The following VAPB variants were observed in gnomAD, a reference collection of about 807,000 sequenced individuals.
The protein encoded by VAPB is vesicle-associated membrane protein-associated protein B/C.
Under a neutral mutation model 25.6 loss-of-function variants are expected in VAPB, and 7 were observed. That is an observed-to-expected ratio of 0.27 (90% CI 0.16 to 0.51). The LOEUF (loss-of-function observed/expected upper bound fraction) is 0.51, where lower values mean the gene tolerates loss of function less well. Ranked by LOEUF, VAPB falls within the 20% of genes least tolerant of loss-of-function variation. VAPB has a pLI of 0.97. For synonymous variants in VAPB, 112 were observed against 109.2 expected, an observed-to-expected ratio of 1.03 and a Z score of -0.16; for missense variants, 266 against 301.3, an observed-to-expected ratio of 0.88 and a Z score of 0.87.
intron 3 of VAPB, among the ~76,000 whole-genome samples, chr20:58,436,891 A>G (rs1048882144): frequency 4.6e-5 from 7 of 151,712 alleles, no homozygotes; most frequent in Admixed American, 4.6e-4. Flanking sequence ...ACTTCAATTC[A>G]GTATTATTAT....
intron 3 of VAPB, among the ~76,000 whole-genome samples, chr20:58,437,483 C>T (rs997028974): frequency 5.3e-5 from 8 of 152,206 alleles, no homozygotes; most frequent in Non-Finnish European, 1.2e-4. Context: ...GCTCTCTCCA[C>T]TGTCATAGCA....
chr20:58,398,673 T>C (rs1270144381), intron 1 of VAPB, among the ~76,000 whole-genome samples: 2 of 152,204 alleles, frequency 1.3e-5, no homozygotes, highest in African/African-American at 2.4e-5. Flanking sequence ...ATTTGAGATA[T>C]GTGACTTGGC....
chr20:58,408,116 C>G (rs11906688), intron 1 of VAPB, among the ~76,000 whole-genome samples: 52,001 of 151,822 alleles, frequency 0.34, 9,208 homozygotes, highest in African/African-American at 0.35. Flanking sequence ...TGAGTAAGCA[C>G]CCTGCAAGTC....
At chr20:58,391,585 G>A (rs961414058) in intron 1 of VAPB, among the ~76,000 whole-genome samples, 1 of 151,896 alleles carries the variant, frequency 6.6e-6, no homozygotes, top group African/African-American at 2.4e-5. Flanking sequence ...CCAGGCTGGA[G>A]TGCAGAGGCG....
intron 1 of VAPB, chr20:58,390,468 G>A (rs1987767560): frequency 1.3e-5 from 2 of 151,046 alleles, no homozygotes; most frequent in Admixed American, 1.3e-4. Flanking sequence ...CGTGTATCCA[G>A]TGATGTGGGA....
intron 2 of VAPB, among the ~76,000 whole-genome samples, chr20:58,429,687 G>T (rs74590012): frequency 5.9e-5 from 9 of 152,202 alleles, no homozygotes; most frequent in African/African-American, 2.2e-4. Context: ...TCACCTGAGG[G>T]CCAGGTACGT....
chr20:58,392,849 A>G lies in VAPB; in HGVS notation c.58+3332A>G, dbSNP rs555592722. On this transcript the variant is annotated intron_variant, in intron 1 of 5. Coordinates refer to ENST00000475243, the MANE Select transcript of VAPB (RefSeq NM_004738.5). The stretch of plus-strand genomic sequence containing the variant: ...CAGAAGAAAAAGAATGCAAATTTAT[A>G]TGACTTTATGCAGTTTTATAGGAAG... Among the ~76,000 whole-genome samples the G allele has an allele frequency of 3.0e-4, 45 of 152,366 alleles. 1 individual carries two copies. The highest frequency in any genetic ancestry group is 9.9e-4 in the African/African-American group (41 of 41,596).
At chr20:58,417,833 A>G (rs1346087272) in intron 1 of VAPB, among the ~76,000 whole-genome samples, 1 of 152,200 alleles carries the variant, frequency 6.6e-6, no homozygotes, top group Non-Finnish European at 1.5e-5. Context: ...CATGGGTAAG[A>G]ACTGGCCTTA....
intron 2 of VAPB, among the ~76,000 whole-genome samples, chr20:58,424,425 A>G (rs1039809674): frequency 4.5e-4 from 69 of 152,030 alleles, no homozygotes; most frequent in African/African-American, 1.7e-3. Context: ...AGCATTCAGA[A>G]ATAACAGTGG....
At chr20:58,417,435 G>T (rs966201748) in intron 1 of VAPB, among the ~76,000 whole-genome samples, 1 of 152,132 alleles carries the variant, frequency 6.6e-6, no homozygotes, top group Admixed American at 6.5e-5. Context: ...TTATTGTTTG[G>T]TTTAAGAAGC....
In VAPB at chr20:58,445,260, C is replaced by G; in HGVS notation, c.*1025C>G. On this transcript the variant is annotated 3_prime_UTR_variant, in exon 6 of 6. Transcript: ENST00000475243. ...CTTCTAGATTGTTCTTATACCACCT[C>G]TCAACCATTACTCACACTTCCAGCG... 2.2e-6 allele frequency: 1 copy of G among 454,304 alleles called. No homozygotes were observed. The highest frequency in any genetic ancestry group is 4.4e-6 in the Non-Finnish European group (1 of 226,796). 28.1% of individuals were successfully genotyped at this position (454,304 alleles called of 1,614,324 possible).
chr20:58,441,961 A>G (rs1335086444), intron 5 of VAPB, among the ~76,000 whole-genome samples: 3 of 152,120 alleles, frequency 2.0e-5, no homozygotes, highest in Admixed American at 6.5e-5. Flanking sequence ...TAGCTTCTGG[A>G]TGAGGCAGTT....
In VAPB at chr20:58,450,609, A is replaced by T. The variant is rs761234498; in HGVS notation, c.*6374A>T. 21 of 453,982 alleles carry T rather than the reference A, an allele frequency of 4.6e-5. No individual in the cohort carries two copies. The highest frequency in any genetic ancestry group is 3.1e-4 in the South Asian group (20 of 64,482). The allele number at this position is 453,982 out of a possible 1,614,324, so 28.1% of individuals were successfully genotyped here. ...CTTTCGCCTTTCCTCTGCTTTCTGAATAAATGGTTTCAGTAACCCATGCTG... is the reference window on the plus strand; with the variant it reads ...CTTTCGCCTTTCCTCTGCTTTCTGATTAAATGGTTTCAGTAACCCATGCTG... On this transcript the variant is annotated 3_prime_UTR_variant, in exon 6 of 6. Coordinates refer to ENST00000475243, the MANE Select transcript of VAPB (RefSeq NM_004738.5).
chr20:58,397,829 T>C (rs962641349), intron 1 of VAPB, among the ~76,000 whole-genome samples: 2 of 152,204 alleles, frequency 1.3e-5, no homozygotes, highest in Non-Finnish European at 2.9e-5. Context: ...GAGACTTGTC[T>C]CAATTGTTCA....
Position 58,393,362 on chromosome 20 carries a change from G to A in VAPB, c.58+3845G>A, listed in dbSNP as rs117131552. 4.9e-3 allele frequency among the ~76,000 whole-genome samples: 750 copies of A among 151,796 alleles called. 3 individuals carry two copies. Among genetic ancestry groups the A allele is most frequent in the South Asian group, 0.021 (99 of 4,822 alleles). ...TGTGTTTTCTTTTATATTTCTTTTTGTCTTTTTCACTAAGTCATAGGAGTT... is the reference window on the plus strand; with the variant it reads ...TGTGTTTTCTTTTATATTTCTTTTTATCTTTTTCACTAAGTCATAGGAGTT... On this transcript the variant is annotated intron_variant, in intron 1 of 5. Coordinates refer to ENST00000475243, the MANE Select transcript of VAPB (RefSeq NM_004738.5).
At chr20:58,414,830 G>A (rs935190783) in intron 1 of VAPB, among the ~76,000 whole-genome samples, 14 of 152,348 alleles carry the variant, frequency 9.2e-5, no homozygotes, top group African/African-American at 2.9e-4. Context: ...GGTGGCGGCC[G>A]GGCAGAGGCT....
At chr20:58,419,109 G>A (rs1988613486) in intron 2 of VAPB, among the ~76,000 whole-genome samples, 1 of 152,170 alleles carries the variant, frequency 6.6e-6, no homozygotes, top group African/African-American at 2.4e-5. Context: ...GAGCTGTGGG[G>A]GAGTGTGTAT....
chr20:58,434,713 C>T lies in VAPB; in HGVS notation c.315+8C>T. ...TCAGATATGGAAGCAGTAGTAAGTA[C>T]TGAATGCTTCTTATTTTTTTCAGTA... is the stretch of plus-strand genomic sequence containing the variant. On this transcript the variant is annotated splice_region_variant and intron_variant, in intron 3 of 5. Transcript: ENST00000475243. The T allele has an allele frequency of 7.7e-7, 1 of 1,295,390 alleles. No homozygotes were observed. The highest frequency in any genetic ancestry group is 1.1e-6 in the Non-Finnish European group (1 of 890,424). The allele number at this position is 1,295,390 out of a possible 1,614,324, so 80.2% of individuals were successfully genotyped here.
rs1401275179 is a variant in VAPB, at chr20:58,446,040, T to C, written c.*1805T>C. 4.4e-6 allele frequency: 2 copies of C among 454,104 alleles called. No homozygotes were observed. The highest frequency in any genetic ancestry group is 8.8e-6 in the Non-Finnish European group (2 of 226,780). 28.1% of individuals were successfully genotyped at this position (454,104 alleles called of 1,614,324 possible). Reference sequence around the variant, plus strand: ...AACTGGAGAAGTGGAAGTCTATGGTTGGTCTGAGTAAGTAACTTCCTGTCT... The same window carrying C: ...AACTGGAGAAGTGGAAGTCTATGGTCGGTCTGAGTAAGTAACTTCCTGTCT... On this transcript the variant is annotated 3_prime_UTR_variant, in exon 6 of 6. Transcript: ENST00000475243.
Sources: allele counts gnomAD v4.1 joint callset (sites outside exome capture counted in the v4.1 genomes callset), GRCh38; gene constraint gnomAD v4.1.1; transcripts MANE v1.5; gene names NCBI Gene and HGNC (gene_info 2026-07-23, HGNC 2026-07-21).